The following SLC4A10 variants were observed in gnomAD, a reference collection of about 807,000 sequenced individuals.
SLC4A10 encodes solute carrier family 4 member 10, also known as sodium-driven chloride bicarbonate exchanger.
A neutral mutation model predicts 137.7 loss-of-function variants in SLC4A10; 42 were observed. That is an observed-to-expected ratio of 0.30 (90% confidence interval 0.24 to 0.39). SLC4A10 has a LOEUF of 0.39. SLC4A10 is among the 10% of genes least tolerant of loss of function. SLC4A10 has a pLI of 1.00. For missense variants in SLC4A10, 925 were observed against 1,355.0 expected (o/e 0.68, Z 4.98); for synonymous variants, 474 against 464.1 (o/e 1.02, Z -0.27).
chr2:161,905,168 C>A (rs1047759953), intron 14 of SLC4A10, among the ~76,000 whole-genome samples: 1 of 152,158 alleles, frequency 6.6e-6, no homozygotes, highest in Non-Finnish European at 1.5e-5. Flanking sequence ...TAGATGTTCC[C>A]TTTAGACCGG....
chr2:161,851,768 TG>T (rs1283280793), intron 4 of SLC4A10, among the ~76,000 whole-genome samples: 1 of 152,208 alleles, frequency 6.6e-6, no homozygotes, highest in Non-Finnish European at 1.5e-5. Flanking sequence ...TATTATTGTA[TG>T]GGTAAGTTTA....
chr2:161,826,749 G>A (rs2058045253), intron 3 of SLC4A10, among the ~76,000 whole-genome samples: 1 of 152,034 alleles, frequency 6.6e-6, no homozygotes, highest in Non-Finnish European at 1.5e-5. Flanking sequence ...CTAATTATTT[G>A]TTGAAAATAC....
At chr2:161,965,375 G>T (rs1378065297) in intron 23 of SLC4A10, among the ~76,000 whole-genome samples, 15 of 152,054 alleles carry the variant, frequency 9.9e-5, no homozygotes, top group Admixed American at 9.8e-4. Context: ...TCTTATAGGA[G>T]GAAACCAAAT....
chr2:161,905,966 T>C, intron 15 of SLC4A10, 79 bp downstream of exon 15: 2 of 1,488,020 alleles, frequency 1.3e-6, no homozygotes, highest in Non-Finnish European at 1.8e-6. Flanking sequence ...TATGAGGAAA[T>C]TACTCAGCAG....
chr2:161,818,395 T>C (rs1402138748), intron 3 of SLC4A10, among the ~76,000 whole-genome samples: 3 of 152,026 alleles, frequency 2.0e-5, no homozygotes, highest in Non-Finnish European at 4.4e-5. Context: ...GATGATGGGG[T>C]TTTCTAGATA....
At chr2:161,720,625 T>C (rs1018206598) in intron 1 of SLC4A10, among the ~76,000 whole-genome samples, 3 of 152,162 alleles carry the variant, frequency 2.0e-5, no homozygotes. Context: ...CCCTTTACCA[T>C]TATATAATGC....
intron 1 of SLC4A10, among the ~76,000 whole-genome samples, chr2:161,750,210 AT>A (rs995947164): frequency 6.6e-6 from 1 of 151,092 alleles, no homozygotes; most frequent in African/African-American, 2.4e-5. Context: ...TTTTAGTTCG[AT>A]TATTTTTTCT....
At chr2:161,896,128 A>C (rs551568114) in intron 11 of SLC4A10, among the ~76,000 whole-genome samples, 10 of 152,184 alleles carry the variant, frequency 6.6e-5, no homozygotes, top group African/African-American at 1.7e-4. Context: ...AGCTTTCTAC[A>C]TATGGCTAGC....
intron 8 of SLC4A10, among the ~76,000 whole-genome samples, chr2:161,875,352 C>T (rs2061397766): frequency 6.6e-6 from 1 of 152,024 alleles, no homozygotes; most frequent in Non-Finnish European, 1.5e-5. Flanking sequence ...ATACAGATTC[C>T]AAAACCCCAG....
At chr2:161,652,185 A>G (rs1266641151) in intron 1 of SLC4A10, among the ~76,000 whole-genome samples, 1 of 152,128 alleles carries the variant, frequency 6.6e-6, no homozygotes, top group Non-Finnish European at 1.5e-5. Context: ...TATGTACATT[A>G]TTTGTTCTCA....
chr2:161,912,378 G>T (rs189498229), intron 15 of SLC4A10, among the ~76,000 whole-genome samples: 1 of 152,292 alleles, frequency 6.6e-6, no homozygotes, highest in East Asian at 1.9e-4. Context: ...TTGGTGAGAT[G>T]TGATGAGTGT....
At chr2:161,640,086 A>G (rs1160740321) in intron 1 of SLC4A10, among the ~76,000 whole-genome samples, 1 of 152,186 alleles carries the variant, frequency 6.6e-6, no homozygotes, top group East Asian at 1.9e-4. Flanking sequence ...TGTGGAGAAG[A>G]ACTGTTACTT....
intron 1 of SLC4A10, among the ~76,000 whole-genome samples, chr2:161,722,071 G>T (rs760521549): frequency 3.9e-5 from 6 of 152,078 alleles, no homozygotes; most frequent in Admixed American, 6.6e-5. Flanking sequence ...GTTTATTCTG[G>T]TTAACAGCTC....
At chr2:161,692,591 G>C (rs1252174119) in intron 1 of SLC4A10, among the ~76,000 whole-genome samples, 3 of 152,114 alleles carry the variant, frequency 2.0e-5, no homozygotes, top group South Asian at 2.1e-4. Context: ...GAGTGTTAAC[G>C]TTGCTAATGA....
intron 15 of SLC4A10, among the ~76,000 whole-genome samples, chr2:161,939,491 G>A (rs184153638): frequency 0.01 from 1,523 of 152,242 alleles, 10 homozygotes; most frequent in Non-Finnish European, 0.016. Context: ...GTAGCTATAA[G>A]TATATAGCCA....
intron 15 of SLC4A10, among the ~76,000 whole-genome samples, chr2:161,919,122 T>G (rs72865285): frequency 0.067 from 10,210 of 152,174 alleles, 447 homozygotes; most frequent in East Asian, 0.13. Flanking sequence ...TGCACACACT[T>G]GGGGTAGTAA....
At chr2:161,624,758 C>T (rs896538579) in intron 1 of SLC4A10, among the ~76,000 whole-genome samples, 192 bp downstream of exon 1, 1 of 151,930 alleles carries the variant, frequency 6.6e-6, no homozygotes, top group African/African-American at 2.4e-5. Flanking sequence ...CTCCTCCCCC[C>T]CCCTTCTCAA....
intron 1 of SLC4A10, among the ~76,000 whole-genome samples, chr2:161,754,629 T>A (rs1284831814): frequency 6.6e-6 from 1 of 152,178 alleles, no homozygotes; most frequent in Non-Finnish European, 1.5e-5. Context: ...GTAACATTTC[T>A]GTAGGATTTG....
chr2:161,917,994 T>G (rs1010103876), intron 15 of SLC4A10, among the ~76,000 whole-genome samples: 1 of 152,214 alleles, frequency 6.6e-6, no homozygotes, highest in Non-Finnish European at 1.5e-5. Flanking sequence ...CCAAGACATC[T>G]AATGCTTTGT....
Sources: gnomAD v4.1 joint callset for allele counts (sites outside exome capture counted in the v4.1 genomes callset) on GRCh38, gnomAD v4.1.1 for gene constraint, MANE v1.5 for transcripts, NCBI Gene and HGNC (gene_info 2026-07-23, HGNC 2026-07-21) for gene names.